The following TMC2 variants were observed in gnomAD, a reference collection of about 807,000 sequenced individuals.
The protein encoded by TMC2 is transmembrane channel-like protein 2.
TMC2 carries 102 observed loss-of-function variants against 105.9 expected under a neutral mutation model. The observed-to-expected ratio is 0.96, with a 90% CI of 0.82 to 1.14. TMC2 has a LOEUF of 1.14. TMC2 is among the 50% of genes most tolerant of loss of function. The pLI, the probability that TMC2 is intolerant of heterozygous loss-of-function variation, is 0.00. For synonymous variants in TMC2, 402 were observed against 422.8 expected, an observed-to-expected ratio of 0.95 and a Z score of 0.60; for missense variants, 1,093 against 1,134.3, an observed-to-expected ratio of 0.96 and a Z score of 0.52.
rs141315421 is a variant in TMC2 at position 2,603,777 on chromosome 20, C to T, written c.1413+1476C>T. On this transcript the variant is annotated intron_variant, in intron 11 of 19. Transcript: ENST00000358864. ...GAGTATCAGTGCCAAGTCTTATGCT[C>T]TGAAGGCAAATGCTGACTTTTCAAA... 9.2e-3 allele frequency among the ~76,000 whole-genome samples: 1,403 copies of T among 152,306 alleles called. 14 individuals are homozygous for T. The highest frequency in any genetic ancestry group is 0.013 in the South Asian group (63 of 4,822).
intron 11 of TMC2, among the ~76,000 whole-genome samples, chr20:2,602,614 A>G (rs2086360233): frequency 6.6e-6 from 1 of 152,252 alleles, no homozygotes; most frequent in African/African-American, 2.4e-5. Flanking sequence ...TCAAGTGTCT[A>G]TTAATGCATG....
At chr20:2,601,936 C>T (rs1044897945) in intron 10 of TMC2, among the ~76,000 whole-genome samples, 177 bp from the exon 11 acceptor site, 2 of 152,156 alleles carry the variant, frequency 1.3e-5, no homozygotes, top group Non-Finnish European at 2.9e-5. Flanking sequence ...ATAGCAATAA[C>T]AACAAACATA....
chr20:2,616,088 C>G lies in TMC2; in HGVS notation c.1873-49C>G, dbSNP rs748291797. 6.6e-7 allele frequency: 1 copy of G among 1,525,246 alleles called. No individual in the cohort carries two copies. Among genetic ancestry groups the G allele is most frequent in the South Asian group, 1.1e-5 (1 of 87,896 alleles). 94.5% of individuals were successfully genotyped at this position (1,525,246 alleles called of 1,614,324 possible). A position where few individuals can be genotyped will look rare whatever the true frequency, so the allele number is the denominator to read the frequency against. On this transcript the variant is annotated intron_variant, in intron 14 of 19. Coordinates refer to ENST00000358864, the MANE Select transcript of TMC2 (RefSeq NM_080751.3). This position sits in a 1 kb window ranked among gnomAD's most constrained non-coding sequence, Gnocchi z 4.8. ...GTAGGGTTTGGCTGAATTCACCAAA[C>G]GTGCTTTTTTTTTTCTCTCTCTCTC...
intron 17 of TMC2, 99 bp from the exon 18 acceptor site, chr20:2,635,827 C>G: frequency 1.1e-6 from 1 of 951,546 alleles, no homozygotes; most frequent in Non-Finnish European, 1.7e-6. Flanking sequence ...GCCTCAGTAA[C>G]TATTCCAGGA....
chr20:2,639,138 G>A (rs1017446842), intron 19 of TMC2, among the ~76,000 whole-genome samples: 5 of 152,066 alleles, frequency 3.3e-5, no homozygotes, highest in Non-Finnish European at 5.9e-5. Context: ...CTCGTGATCC[G>A]CCCGCCTCGG....
In TMC2 at chr20:2,602,135, A is replaced by T. The variant is rs950914145; in HGVS notation, c.1247A>T (p.Glu416Val). The part of the protein sequence containing the change: ...SFKESIVDEQ[E>V]SNKEENIHLT... ...AAGGAATCAATAGTGGATGAACAAG[A>T]GAGTAACAAAGAAGAAAATATCCAT... The change falls in exon 11 of 20, where the codon GAG (glutamate) becomes GTG (valine). Residue 416 changes from glutamate (E) to valine (V), a missense_variant. Transcript: ENST00000358864. 6.2e-7 allele frequency: 1 copy of T among 1,611,668 alleles called. No individual in the cohort carries two copies. Among genetic ancestry groups the T allele is most frequent in the African/African-American group, 1.3e-5 (1 of 74,806 alleles).
chr20:2,580,149 A>C, intron 7 of TMC2, 93 bp downstream of exon 7: 2 of 688,844 alleles, frequency 2.9e-6, no homozygotes, highest in Non-Finnish European at 4.8e-6. Context: ...TTTACAAAGA[A>C]TCAGTCATTC....
At chr20:2,612,033 T>C (rs2146238947) in intron 12 of TMC2, among the ~76,000 whole-genome samples, 158 bp from the exon 13 acceptor site, 1 of 152,244 alleles carries the variant, frequency 6.6e-6, no homozygotes, top group East Asian at 1.9e-4. Context: ...CCTGTACATA[T>C]TGAAAGCCTG....
chr20:2,635,646 G>A lies in TMC2; in HGVS notation c.2307-280G>A, dbSNP rs742845. ...AGTCAGTAAACCCTGCCACCCTCTG[G>A]CCACCTCAGATTTCCCAGAAGAGGG... On this transcript the variant is annotated intron_variant, in intron 17 of 19. Transcript: ENST00000358864. Among the ~76,000 whole-genome samples, 115,177 of 152,030 alleles carry A rather than the reference G, an allele frequency of 0.76. 43,764 individuals carry two copies. Among genetic ancestry groups the A allele is most frequent in the East Asian group, 0.87 (4,479 of 5,168 alleles).
In TMC2 at chr20:2,558,870, C is replaced by T. The variant is rs1440847994; in HGVS notation, c.401+96C>T. 1 of 1,295,420 alleles carries T rather than the reference C, an allele frequency of 7.7e-7. No individual in the cohort carries two copies. The highest frequency in any genetic ancestry group is 1.0e-6 in the Non-Finnish European group (1 of 961,244). The allele number at this position is 1,295,420 out of a possible 1,614,324, so 80.2% of individuals were successfully genotyped here. Reference sequence around the variant, plus strand: ...CCGTGAGGGACTGATGCCCCCCTCCCCGGGGAGAGGCAGCCCGTGCCCTCG... The same window carrying T: ...CCGTGAGGGACTGATGCCCCCCTCCTCGGGGAGAGGCAGCCCGTGCCCTCG... On this transcript the variant is annotated intron_variant, in intron 3 of 19. Transcript: ENST00000358864. The surrounding 1 kb of genome is among the most constrained non-coding windows in gnomAD (Gnocchi z 4.6).
Position 2,592,500 on chromosome 20 carries a change from G to A in TMC2, c.933+92G>A. 1.1e-6 allele frequency: 1 copy of A among 907,026 alleles called. No homozygotes were observed. The highest frequency in any genetic ancestry group is 1.8e-6 in the Non-Finnish European group (1 of 548,632). 56.2% of individuals were successfully genotyped at this position (907,026 alleles called of 1,614,324 possible). On this transcript the variant is annotated intron_variant, in intron 8 of 19. Transcript: ENST00000358864. This position sits in a 1 kb window ranked among gnomAD's most constrained non-coding sequence, Gnocchi z 4.9. Reference sequence around the variant, plus strand: ...GTATGAAATAGTGCGTTTAATTATTGAAAAACCATTGCTTTAATAGGATCC... The same window carrying A: ...GTATGAAATAGTGCGTTTAATTATTAAAAAACCATTGCTTTAATAGGATCC...
intron 2 of TMC2, among the ~76,000 whole-genome samples, chr20:2,541,305 T>C (rs960211632): frequency 1.3e-5 from 2 of 152,228 alleles, no homozygotes; most frequent in Non-Finnish European, 2.9e-5. Context: ...TTGAAGATTC[T>C]TGGGCTTGGG....
chr20:2,617,020 C>T (rs1185743398), intron 15 of TMC2, 52 bp from the exon 16 acceptor site: 7 of 1,610,122 alleles, frequency 4.3e-6, no homozygotes, highest in African/African-American at 1.3e-5. Context: ...TCACCCTTCC[C>T]TCGCCTTCCC....
chr20:2,595,039 T>A, intron 9 of TMC2, 72 bp downstream of exon 9: 2 of 1,516,268 alleles, frequency 1.3e-6, no homozygotes, highest in Non-Finnish European at 1.8e-6. Context: ...ACTCTATGCC[T>A]ACCTCCCTTC....
Position 2,637,611 on chromosome 20 carries a change from G to A in TMC2, c.2503+20G>A, listed in dbSNP as rs372388568. On this transcript the variant is annotated intron_variant, in intron 19 of 19. Transcript: ENST00000358864. ...AGGAAGGTAAGCTCTTTGTCATAAT[G>A]ATTATGTTTTACAAGGCCACATGGA... The A allele has an allele frequency of 6.4e-7, 1 of 1,557,288 alleles. No homozygotes were observed.
chr20:2,538,207 C>T (rs1254349376), intron 2 of TMC2, among the ~76,000 whole-genome samples: 6 of 152,172 alleles, frequency 3.9e-5, no homozygotes, highest in Admixed American at 2.0e-4. Flanking sequence ...TCAGTGAGGC[C>T]GCTGTGTTAC....
At position 2,613,288 on chromosome 20, in the gene TMC2, A is replaced by G. The variant is rs2086455951; in HGVS notation, c.1838A>G (p.Asn613Ser). 1 of 1,614,076 alleles carries G rather than the reference A, an allele frequency of 6.2e-7. No individual in the cohort carries two copies. ...FLRACFVRFM[N>S]YCWCWDLEAG... is the part of the protein sequence containing the mutation. ...CGGGCTTGTTTTGTGCGGTTCATGA[A>G]CTACTGCTGGTGCTGGGACTTGGAG... Residue 613 changes from asparagine to serine, a missense_variant, in exon 14 of 20, where the codon AAC becomes AGC. By Grantham distance (46) the Asn-to-Ser change is conservative. Transcript: ENST00000358864.
intron 3 of TMC2, 114 bp from the exon 4 acceptor site, chr20:2,561,744 T>C: frequency 3.0e-6 from 4 of 1,347,538 alleles, no homozygotes; most frequent in Non-Finnish European, 4.1e-6. Context: ...CACTAATGGC[T>C]TCTGAGCAGG....
Position 2,592,302 on chromosome 20 carries a change from T to C in TMC2, c.835-8T>C, listed in dbSNP as rs753732094. On this transcript the variant is annotated splice_region_variant and splice_polypyrimidine_tract_variant and intron_variant, in intron 7 of 19. Transcript: ENST00000358864. This position sits in a 1 kb window ranked among gnomAD's most constrained non-coding sequence, Gnocchi z 4.9. Reference sequence around the variant, plus strand: ...ACTCATACTTGTGTCATTGTGTTTCTGCACAAGGTACTGATGGGCATGCCC... The same window carrying C: ...ACTCATACTTGTGTCATTGTGTTTCCGCACAAGGTACTGATGGGCATGCCC... 6.3e-7 allele frequency: 1 copy of C among 1,599,172 alleles called. No homozygotes were observed. The highest frequency in any genetic ancestry group is 1.7e-5 in the Admixed American group (1 of 59,920).
Sources: allele counts gnomAD v4.1 joint callset (sites outside exome capture counted in the v4.1 genomes callset), GRCh38; gene constraint gnomAD v4.1.1; non-coding constraint Gnocchi (gnomAD v3.1); transcripts MANE v1.5; gene names NCBI Gene and HGNC (gene_info 2026-07-23, HGNC 2026-07-21).